Variants in MYO1F observed in about 807,000 individuals in gnomAD.
MYO1F encodes myosin IF, also known as unconventional myosin-If.
Under a neutral mutation model 146.6 loss-of-function variants are expected in MYO1F, and 60 were observed. The ratio of observed to expected loss-of-function variants is 0.41; its 90% confidence interval spans 0.33 to 0.51. The LOEUF (loss-of-function observed/expected upper bound fraction) is 0.51, where lower values mean the gene tolerates loss of function less well. Ranked by LOEUF, MYO1F falls within the 20% of genes least tolerant of loss-of-function variation. The pLI, the probability that MYO1F is intolerant of heterozygous loss-of-function variation, is 0.25. For synonymous variants in MYO1F, 602 were observed against 602.1 expected (o/e 1.00, Z 0.00); for missense variants, 1,274 against 1,534.3 (o/e 0.83, Z 2.83).
chr19:8,523,590 A>G (rs759601989), intron 25 of MYO1F, among the ~76,000 whole-genome samples: 40 of 151,864 alleles, frequency 2.6e-4, no homozygotes, highest in Non-Finnish European at 2.5e-4. Flanking sequence ...GCCTCAAGCA[A>G]TCCTCCCACT....
At chr19:8,550,510 A>C (rs1973558718) in intron 9 of MYO1F, 52 bp downstream of exon 9, 6 of 1,613,828 alleles carry the variant, frequency 3.7e-6, no homozygotes, top group Non-Finnish European at 5.1e-6. Context: ...AGGAGGACGC[A>C]GTTCACCCAC....
At chr19:8,541,682 G>A in intron 15 of MYO1F, 1 of 562,324 alleles carries the variant, frequency 1.8e-6, no homozygotes, top group East Asian at 3.1e-5. Flanking sequence ...GTCCACTTCG[G>A]CCTCCCAAAG....
chr19:8,568,190 G>A (rs1270093949), intron 1 of MYO1F, among the ~76,000 whole-genome samples: 12 of 151,956 alleles, frequency 7.9e-5, no homozygotes, highest in African/African-American at 2.9e-4. Flanking sequence ...TTGGGAGGCC[G>A]AGGTGGGTGG....
intron 1 of MYO1F, chr19:8,576,952 C>T (rs1171606331): frequency 1.3e-5 from 6 of 454,846 alleles, no homozygotes; most frequent in East Asian, 4.3e-5. Context: ...CACAGGGAGA[C>T]GAGAGACTGG....
intron 4 of MYO1F, among the ~76,000 whole-genome samples, chr19:8,554,177 G>T (rs949375146): frequency 1.5e-4 from 23 of 151,982 alleles, no homozygotes; most frequent in African/African-American, 4.6e-4. Flanking sequence ...GGCTGGTCTT[G>T]AACTCCTAGC....
At chr19:8,559,160 A>G (rs546683817) in intron 1 of MYO1F, among the ~76,000 whole-genome samples, 2 of 151,844 alleles carry the variant, frequency 1.3e-5, no homozygotes, top group East Asian at 3.9e-4. Flanking sequence ...GATTACAGGC[A>G]TGAGCCACCG....
chr19:8,545,759 T>C (rs1035020914), intron 12 of MYO1F, 23 bp from the exon 13 acceptor site: 1 of 1,588,142 alleles, frequency 6.3e-7, no homozygotes, highest in Non-Finnish European at 8.6e-7. Flanking sequence ...AGGGGGTGGA[T>C]GTGGGGGCCA....
At chr19:8,556,914 A>C (rs796974823) in intron 1 of MYO1F, among the ~76,000 whole-genome samples, 4 of 150,510 alleles carry the variant, frequency 2.7e-5, no homozygotes, top group African/African-American at 9.8e-5. Flanking sequence ...AAAAAAAGGA[A>C]GCCAATCTGA....
chr19:8,550,081 T>A (rs997991497), intron 10 of MYO1F, 79 bp downstream of exon 10: 42 of 1,507,540 alleles, frequency 2.8e-5, no homozygotes, highest in Middle Eastern at 2.2e-4. Context: ...ATTGCAGCCG[T>A]GAGCCACTGC....
chr19:8,563,272 C>A lies in MYO1F; in HGVS notation c.4-7476G>T, dbSNP rs371512663. 2.3e-3 allele frequency among the ~76,000 whole-genome samples: 334 copies of A among 147,892 alleles called. 3 individuals carry two copies. The highest frequency in any genetic ancestry group is 8.0e-3 in the African/African-American group (322 of 40,034). On this transcript the variant is annotated intron_variant, in intron 1 of 27. Coordinates refer to ENST00000644032, the MANE Select transcript of MYO1F (RefSeq NM_012335.4). Reference sequence around the variant, plus strand: ...CCTCCCAAAATGCTGGGATTATAGGCATGAGCCACTGTGCTTGGCCACTTT... The same window carrying A: ...CCTCCCAAAATGCTGGGATTATAGGAATGAGCCACTGTGCTTGGCCACTTT...
rs750807289 is a variant in MYO1F at position 8,526,913 on chromosome 19, TGAA to T, written c.2494_2496del (p.Phe832del). On this transcript the variant is annotated inframe_deletion, in exon 23 of 28. Transcript: ENST00000644032. ...CTGTCGGCGGCATCCTCTTGGAGGA[TGAA>T]GAAGTCGTCCTGTCGCGTGCTGGGG... 2.5e-6 allele frequency: 4 copies of T among 1,613,898 alleles called. No homozygotes were observed. The highest frequency in any genetic ancestry group is 1.1e-5 in the South Asian group (1 of 91,078).
In MYO1F at chr19:8,551,751, C is replaced by T. The variant is rs1180476765; in HGVS notation, c.760G>A (p.Gly254Ser). ...AGGCCGGTGCTCACCAGAGTCTCAC[C>T]AAAGTCGCTTCTGTCGTCCGTGCCG... Reference protein sequence around the residue: ...VDGTDDRSDFGETLSAMQVIG... With the variant: ...VDGTDDRSDFSETLSAMQVIG... Residue 254 changes from glycine (G) to serine (S), a missense_variant, in exon 8 of 28, where the codon GGT becomes AGT. By Grantham distance (56) the Gly-to-Ser change is moderately conservative (BLOSUM62 0). Around this residue, in one of 2 missense-constraint regions of MYO1F, gnomAD observed 900 missense variants for 1,155.1 expected, o/e 0.78. Coordinates refer to ENST00000644032, the MANE Select transcript of MYO1F (RefSeq NM_012335.4). The T allele has an allele frequency of 6.2e-7, 1 of 1,614,020 alleles. No homozygotes were observed. The highest frequency in any genetic ancestry group is 2.2e-5 in the East Asian group (1 of 44,892).
chr19:8,529,817 G>T (rs1388693145), intron 21 of MYO1F: 2 of 413,002 alleles, frequency 4.8e-6, no homozygotes, highest in African/African-American at 4.1e-5. Context: ...CTGTGGGCAG[G>T]TGTGTCTGTG....
chr19:8,550,291 G>T lies in MYO1F; in HGVS notation c.970C>A (p.Arg324Ser). Residue 324 changes from arginine to serine, a missense_variant, in exon 10 of 28, where the codon CGC becomes AGC. By Grantham distance (110) the Arg-to-Ser change is moderately radical. Transcript: ENST00000644032. ...SGRLQEKLTS[R>S]KMDSRWGGRS... ...CCGCCCCAGCGGCTGTCCATCTTGCGGCTGGTCAGCTTCTCCTGCAGTCGC... is the reference window on the plus strand; with the variant it reads ...CCGCCCCAGCGGCTGTCCATCTTGCTGCTGGTCAGCTTCTCCTGCAGTCGC... The T allele has an allele frequency of 6.2e-7, 1 of 1,614,078 alleles. No homozygotes were observed. The highest frequency in any genetic ancestry group is 8.5e-7 in the Non-Finnish European group (1 of 1,180,014).
chr19:8,535,068 C>T (rs536875197), intron 19 of MYO1F, among the ~76,000 whole-genome samples: 7 of 152,106 alleles, frequency 4.6e-5, no homozygotes, highest in South Asian at 2.1e-4. Flanking sequence ...TGCACCACCA[C>T]GCCCAGCTAA....
intron 12 of MYO1F, 50 bp downstream of exon 12, chr19:8,547,986 A>ACCCCCCCCCCCCCC: frequency 2.4e-5 from 20 of 837,488 alleles, no homozygotes; most frequent in Admixed American, 8.7e-5. Flanking sequence ...TGGTCCTTCC[A>ACCCCCCCCCCCCCC]CCCCACCCCC....
intron 14 of MYO1F, among the ~76,000 whole-genome samples, chr19:8,543,897 C>CTGG (rs1203381495): frequency 0.016 from 173 of 11,020 alleles, 11 homozygotes; most frequent in East Asian, 0.027. Context: ...GGTGGTGGTG[C>CTGG]TGGTGGTGGT....
rs765906315 is a variant in MYO1F, at chr19:8,526,791, G to A, written c.2619C>T (p.Asp873=). Residue 873 remains aspartate, a splice_region_variant and synonymous_variant, in exon 23 of 28, where the codon GAC becomes GAT. Coordinates refer to ENST00000644032, the MANE Select transcript of MYO1F (RefSeq NM_012335.4). The part of the protein sequence containing the change: ...TRRPLPLTFS[D]TLQFRVKKEG... ...TGCTGGGGTTGGCGGGGCCGTACGTGTCGCTGAAGGTGAGGGGCAGGGGCC... is the reference window on the plus strand; with the variant it reads ...TGCTGGGGTTGGCGGGGCCGTACGTATCGCTGAAGGTGAGGGGCAGGGGCC... The A allele has an allele frequency of 2.5e-6, 4 of 1,609,490 alleles. No individual in the cohort carries two copies. The highest frequency in any genetic ancestry group is 3.4e-6 in the Non-Finnish European group (4 of 1,178,486).
chr19:8,558,494 A>G (rs1973948250), intron 1 of MYO1F, among the ~76,000 whole-genome samples: 1 of 152,032 alleles, frequency 6.6e-6, no homozygotes, highest in African/African-American at 2.4e-5. Context: ...GGCCCCATGG[A>G]GGAGACTGAG....
Sources: gnomAD v4.1 joint callset for allele counts (sites outside exome capture counted in the v4.1 genomes callset) on GRCh38, gnomAD v4.1.1 for gene constraint, gnomAD v4.1.1 regional missense constraint, MANE v1.5 for transcripts, NCBI Gene and HGNC (gene_info 2026-07-23, HGNC 2026-07-21) for gene names.